Variants in TBC1D22A observed in about 807,000 individuals in gnomAD.
TBC1D22A encodes putative GTPase activator.
In TBC1D22A, 38 loss-of-function variants were observed where a neutral mutation model predicts 60.2. The observed-to-expected ratio is 0.63, with a 90% CI of 0.49 to 0.83. TBC1D22A has a LOEUF of 0.83. Among genes scored for constraint, TBC1D22A ranks in the 40% least tolerant of loss-of-function variants. The pLI is 0.00. For synonymous variants in TBC1D22A, 302 were observed against 281.7 expected (o/e 1.07, Z -0.72); for missense variants, 628 against 701.0 (o/e 0.90, Z 1.18).
At chr22:47,034,045 C>T (rs915191373) in intron 10 of TBC1D22A, among the ~76,000 whole-genome samples, 2 of 152,200 alleles carry the variant, frequency 1.3e-5, no homozygotes, top group Non-Finnish European at 1.5e-5. Flanking sequence ...TCGGCAGCAC[C>T]GTTTTGTTCT....
intron 4 of TBC1D22A, among the ~76,000 whole-genome samples, chr22:46,800,290 G>A (rs1345816967): frequency 6.6e-6 from 1 of 152,226 alleles, no homozygotes; most frequent in Admixed American, 6.5e-5. Context: ...CGAGAAGGCA[G>A]TGTGGGGGAT....
chr22:46,925,964 T>G (rs1400742265), intron 8 of TBC1D22A, among the ~76,000 whole-genome samples: 4 of 152,146 alleles, frequency 2.6e-5, no homozygotes, highest in Non-Finnish European at 5.9e-5. Context: ...TTATACAAAG[T>G]GTGTTCTTTG....
intron 4 of TBC1D22A, among the ~76,000 whole-genome samples, chr22:46,804,516 T>C (rs1180521644): frequency 6.6e-6 from 1 of 152,226 alleles, no homozygotes; most frequent in Non-Finnish European, 1.5e-5. Context: ...TGCAGAGTGA[T>C]CTGGGCTTCA....
chr22:47,146,572 G>A (rs2067294900), intron 12 of TBC1D22A, among the ~76,000 whole-genome samples: 1 of 152,242 alleles, frequency 6.6e-6, no homozygotes, highest in Non-Finnish European at 1.5e-5. Flanking sequence ...CGGCACCGAT[G>A]CCGCTCTGTA....
chr22:46,897,352 T>C (rs1167230344), intron 7 of TBC1D22A, among the ~76,000 whole-genome samples: 1 of 152,144 alleles, frequency 6.6e-6, no homozygotes, highest in Admixed American at 6.5e-5. Flanking sequence ...ATCAGTCTGA[T>C]TGGTTGCAGA....
intron 11 of TBC1D22A, among the ~76,000 whole-genome samples, chr22:47,092,627 C>T (rs573717853): frequency 2.0e-5 from 3 of 152,266 alleles, no homozygotes; most frequent in East Asian, 1.9e-4. Context: ...TGCCCACCGG[C>T]GGGCCTCACA....
intron 12 of TBC1D22A, among the ~76,000 whole-genome samples, chr22:47,135,540 G>A (rs1425674848): frequency 6.6e-6 from 1 of 152,228 alleles, no homozygotes; most frequent in Non-Finnish European, 1.5e-5. Context: ...CTCGGGGGGC[G>A]CAGGTGCCAG....
At chr22:46,851,621 G>A (rs1352137378) in intron 4 of TBC1D22A, among the ~76,000 whole-genome samples, 1 of 152,258 alleles carries the variant, frequency 6.6e-6, no homozygotes, top group Non-Finnish European at 1.5e-5. Flanking sequence ...AGTCCTGGGA[G>A]CTCTCCTCTG....
At chr22:46,909,594 CTGTG>C (rs1049072848) in intron 7 of TBC1D22A, among the ~76,000 whole-genome samples, 1 of 152,190 alleles carries the variant, frequency 6.6e-6, no homozygotes, top group Non-Finnish European at 1.5e-5. Context: ...CTTCCTAACT[CTGTG>C]TGGCCAGCTT....
intron 4 of TBC1D22A, among the ~76,000 whole-genome samples, chr22:46,875,251 G>T (rs1256251462): frequency 6.6e-6 from 1 of 152,178 alleles, no homozygotes; most frequent in Non-Finnish European, 1.5e-5. Flanking sequence ...CAACATGTGT[G>T]ACTCTTACAA....
chr22:46,866,741 A>C (rs1251195706), intron 4 of TBC1D22A, among the ~76,000 whole-genome samples: 2 of 152,260 alleles, frequency 1.3e-5, no homozygotes, highest in African/African-American at 4.8e-5. Flanking sequence ...CACTGACGAC[A>C]GCTGATGAGA....
chr22:47,135,594 G>T (rs900012216), intron 12 of TBC1D22A, among the ~76,000 whole-genome samples: 1 of 152,348 alleles, frequency 6.6e-6, no homozygotes, highest in Non-Finnish European at 1.5e-5. Context: ...ATGGCCCAAG[G>T]CAAGGATGAG....
intron 10 of TBC1D22A, among the ~76,000 whole-genome samples, chr22:47,005,325 G>A (rs896282662): frequency 8.7e-5 from 13 of 149,194 alleles, no homozygotes; most frequent in Admixed American, 8.7e-4. Flanking sequence ...CTACACACAT[G>A]CCTATACACC....
At chr22:46,835,366 T>C (rs909903062) in intron 4 of TBC1D22A, among the ~76,000 whole-genome samples, 8 of 152,080 alleles carry the variant, frequency 5.3e-5, no homozygotes, top group African/African-American at 1.4e-4. Context: ...AAATAATATA[T>C]GAACAAAAAT....
chr22:46,987,017 C>T (rs752313119), intron 9 of TBC1D22A, among the ~76,000 whole-genome samples: 4 of 152,214 alleles, frequency 2.6e-5, no homozygotes, highest in South Asian at 2.1e-4. Flanking sequence ...CCTCTCCACG[C>T]GCTGATTGTC....
chr22:46,785,576 T>A (rs1484103558), intron 1 of TBC1D22A, among the ~76,000 whole-genome samples: 1 of 152,204 alleles, frequency 6.6e-6, no homozygotes, highest in Non-Finnish European at 1.5e-5. Flanking sequence ...CTAGAAAACC[T>A]CGTGTGTCCT....
At chr22:47,023,793 T>C (rs1189353037) in intron 10 of TBC1D22A, among the ~76,000 whole-genome samples, 1 of 152,160 alleles carries the variant, frequency 6.6e-6, no homozygotes, top group Non-Finnish European at 1.5e-5. Flanking sequence ...ATATAAAAGC[T>C]AAAGGAATTC....
intron 12 of TBC1D22A, among the ~76,000 whole-genome samples, chr22:47,113,730 C>T (rs1037540109): frequency 2.6e-5 from 4 of 152,278 alleles, no homozygotes; most frequent in South Asian, 4.1e-4. Flanking sequence ...ACACACTGGC[C>T]GTGGGAGCTT....
At chr22:46,978,900 C>T (rs568253235) in intron 9 of TBC1D22A, among the ~76,000 whole-genome samples, 47 of 152,268 alleles carry the variant, frequency 3.1e-4, no homozygotes, top group Non-Finnish European at 4.1e-4. Flanking sequence ...TGAGCCACCG[C>T]GCCCGGCCAG....
Sources: allele counts gnomAD v4.1 joint callset (sites outside exome capture counted in the v4.1 genomes callset), GRCh38; gene constraint gnomAD v4.1.1; transcripts MANE v1.5; gene names NCBI Gene and HGNC (gene_info 2026-07-23, HGNC 2026-07-21).